The following DDX10 variants were observed in gnomAD, a reference collection of about 807,000 sequenced individuals.
DDX10 encodes DEAD-box helicase 10.
DDX10 carries 74 observed loss-of-function variants against 104.3 expected under a neutral mutation model. That is an observed-to-expected ratio of 0.71 (90% CI 0.59 to 0.86). The LOEUF is 0.86. Ranked by LOEUF, DDX10 falls within the 40% of genes least tolerant of loss-of-function variation. DDX10 has a pLI of 0.00. For missense variants in DDX10, 952 were observed against 1,040.0 expected (o/e 0.92, Z 1.16); for synonymous variants, 351 against 353.4 (o/e 0.99, Z 0.08).
intron 13 of DDX10, among the ~76,000 whole-genome samples, chr11:108,831,421 CAAAAAAA>C (rs779264219): frequency 1.4e-5 from 1 of 69,822 alleles, no homozygotes; most frequent in African/African-American, 6.5e-5. Flanking sequence ...GAGACTGTCT[CAAAAAAA>C]AAAAAAAAAA....
chr11:108,929,767 C>G (rs1565322248), intron 17 of DDX10: 2 of 152,132 alleles, frequency 1.3e-5, no homozygotes, highest in Non-Finnish European at 2.9e-5. Context: ...AAAGAAAAAT[C>G]TAATGTGTTT....
At chr11:108,747,992 T>G (rs1329047165) in intron 13 of DDX10, among the ~76,000 whole-genome samples, 1 of 152,068 alleles carries the variant, frequency 6.6e-6, no homozygotes, top group Non-Finnish European at 1.5e-5. Context: ...TATGGTAAAA[T>G]AAGCTAATAG....
intron 16 of DDX10, among the ~76,000 whole-genome samples, chr11:108,880,377 G>A (rs1270157630): frequency 2.0e-5 from 3 of 152,092 alleles, no homozygotes; most frequent in Admixed American, 6.5e-5. Context: ...TGGGGGTTAG[G>A]GCTTCAATAA....
chr11:108,935,409 A>G (rs2134678566), intron 17 of DDX10, among the ~76,000 whole-genome samples: 1 of 152,298 alleles, frequency 6.6e-6, no homozygotes, highest in South Asian at 2.1e-4. Context: ...AGATTATACT[A>G]ATAATCTTTC....
Position 108,723,043 on chromosome 11 carries a change from A to G in DDX10, c.1546A>G (p.Met516Val). The G allele has an allele frequency of 1.9e-6, 3 of 1,612,112 alleles. No homozygotes were observed. The highest frequency in any genetic ancestry group is 2.5e-6 in the Non-Finnish European group (3 of 1,179,370). ...ACCACGCGTAAGATTTCTTCAGAAA[A>G]TGCAGAAACAACCCACCAAAGAATT... The part of the protein sequence containing the change: ...VAPRVRFLQK[M>V]QKQPTKELVR... Residue 516 changes from methionine to valine, a missense_variant, in exon 13 of 18, where the codon ATG (methionine) becomes GTG (valine). By Grantham distance (21) the Met-to-Val change is conservative (BLOSUM62 1). Coordinates refer to ENST00000322536, the MANE Select transcript of DDX10 (RefSeq NM_004398.4).
chr11:108,918,993 T>C (rs778695634), intron 17 of DDX10: 1 of 152,178 alleles, frequency 6.6e-6, no homozygotes, highest in Non-Finnish European at 1.5e-5. Flanking sequence ...GTTGGAGAAG[T>C]AGGCCATAGA....
At chr11:108,672,468 C>G (rs1004699869) in intron 1 of DDX10, among the ~76,000 whole-genome samples, 1 of 152,192 alleles carries the variant, frequency 6.6e-6, no homozygotes, top group Non-Finnish European at 1.5e-5. Context: ...CTGATTCTGC[C>G]TCCTTTCCAG....
At chr11:108,735,949 T>G (rs1281356600) in intron 13 of DDX10, among the ~76,000 whole-genome samples, 2 of 152,178 alleles carry the variant, frequency 1.3e-5, no homozygotes, top group Non-Finnish European at 2.9e-5. Flanking sequence ...GAAGTATAAG[T>G]ATAAACTTAC....
At position 108,665,305 on chromosome 11, in the gene DDX10, A is replaced by G. The variant is rs1162098336; in HGVS notation, c.152A>G (p.Glu51Gly). Residue 51 changes from glutamate to glycine, a missense_variant, in exon 1 of 18, where the codon GAG becomes GGG. Glu to Gly is a moderately conservative substitution (Grantham distance 98, BLOSUM62 -2). Around this residue, in one of 3 missense-constraint regions of DDX10, gnomAD observed 412 missense variants for 479.2 expected, o/e 0.86. Transcript: ENST00000322536. The stretch of plus-strand genomic sequence containing the variant: ...AAACCCGAATGGCAGGTCGAGCGCG[A>G]GAGTATCAGCCGCCTCATGCAGAAC... Reference protein sequence around the residue: ...LKKPEWQVERESISRLMQNYE... With the variant: ...LKKPEWQVERGSISRLMQNYE... 3.1e-6 allele frequency: 5 copies of G among 1,604,702 alleles called. No homozygotes were observed. In the East Asian group the frequency reaches 1.1e-4, roughly 37 times the overall value.
At chr11:108,907,510 A>G (rs750990625) in intron 16 of DDX10, among the ~76,000 whole-genome samples, 3 of 151,946 alleles carry the variant, frequency 2.0e-5, no homozygotes, top group Non-Finnish European at 4.4e-5. Flanking sequence ...TAATTTTTGT[A>G]TTTTTAGTAG....
intron 15 of DDX10, among the ~76,000 whole-genome samples, chr11:108,850,325 A>G (rs1447526197): frequency 6.6e-6 from 1 of 152,182 alleles, no homozygotes; most frequent in Non-Finnish European, 1.5e-5. Flanking sequence ...GAATTCAGTA[A>G]AAGTAGAAAA....
intron 13 of DDX10, among the ~76,000 whole-genome samples, chr11:108,767,642 A>C (rs746135401): frequency 1.3e-5 from 2 of 152,150 alleles, no homozygotes; most frequent in Non-Finnish European, 2.9e-5. Flanking sequence ...TCCTTTACTT[A>C]TGCTGTTATG....
intron 13 of DDX10, among the ~76,000 whole-genome samples, chr11:108,808,609 T>A (rs1165377447): frequency 6.6e-6 from 1 of 152,054 alleles, no homozygotes; most frequent in East Asian, 1.9e-4. Context: ...GTCCTTAAGG[T>A]TGTTTCCATC....
intron 10 of DDX10, among the ~76,000 whole-genome samples, chr11:108,714,528 C>CTTTTTTTT (rs11355789): frequency 7.0e-6 from 1 of 142,188 alleles, no homozygotes; most frequent in African/African-American, 2.5e-5. Context: ...AAGTCTGACT[C>CTTTTTTTT]TTTTTTTTTT....
rs533145269 is a variant in DDX10 at position 108,839,351 on chromosome 11, T to C, written c.2085+786T>C. 2.0e-5 allele frequency among the ~76,000 whole-genome samples: 3 copies of C among 152,302 alleles called. No homozygotes were observed. The South Asian group carries it at 6.2e-4, about 32-fold the overall frequency. On this transcript the variant is annotated intron_variant, in intron 14 of 17. Coordinates refer to ENST00000322536, the MANE Select transcript of DDX10 (RefSeq NM_004398.4). ...TTCTCTCACCCTGCCTCACTTTTCT[T>C]GACAGCACTTACTTTGTGACTTCAG... is the stretch of plus-strand genomic sequence containing the variant.
At chr11:108,686,667 C>T in intron 6 of DDX10, among the ~76,000 whole-genome samples, 1 of 152,150 alleles carries the variant, frequency 6.6e-6, no homozygotes, top group East Asian at 1.9e-4. Flanking sequence ...TGATTGCCTT[C>T]AAGTTTTGGC....
chr11:108,690,729 C>G, intron 7 of DDX10: 1 of 203,394 alleles, frequency 4.9e-6, no homozygotes, highest in Non-Finnish European at 1.0e-5. Context: ...AGGAAAATGT[C>G]AAGGACCTCA....
chr11:108,764,914 C>T (rs1321619452), intron 13 of DDX10, among the ~76,000 whole-genome samples: 10 of 152,176 alleles, frequency 6.6e-5, no homozygotes, highest in South Asian at 4.2e-4. Flanking sequence ...ATTAAAACTT[C>T]GGAATGAAAA....
At chr11:108,767,913 G>C (rs899380746) in intron 13 of DDX10, 7 of 152,260 alleles carry the variant, frequency 4.6e-5, no homozygotes, top group African/African-American at 1.7e-4. Flanking sequence ...AGTAAGACCT[G>C]CCCTTCTTCT....
Sources: allele counts gnomAD v4.1 joint callset (sites outside exome capture counted in the v4.1 genomes callset), GRCh38; gene constraint gnomAD v4.1.1; regional missense constraint gnomAD v4.1.1; transcripts MANE v1.5; gene names NCBI Gene and HGNC (gene_info 2026-07-23, HGNC 2026-07-21).